The following EFL1 variants were observed in gnomAD, a reference collection of about 807,000 sequenced individuals.
The protein encoded by EFL1 is elongation factor like GTPase 1.
A neutral mutation model predicts 126.7 loss-of-function variants in EFL1; 76 were observed. The ratio of observed to expected loss-of-function variants is 0.60; its 90% CI spans 0.50 to 0.73. The LOEUF is 0.73. Ranked by LOEUF, EFL1 falls within the 30% of genes least tolerant of loss-of-function variation. The pLI is 0.00. For missense variants in EFL1, 1,128 were observed against 1,343.2 expected, an observed-to-expected ratio of 0.84 and a Z score of 2.50; for synonymous variants, 410 against 448.4, an observed-to-expected ratio of 0.91 and a Z score of 1.08.
chr15:82,160,314 G>A (rs116670838), intron 16 of EFL1, among the ~76,000 whole-genome samples: 1,638 of 152,284 alleles, frequency 0.011, 31 homozygotes, highest in African/African-American at 0.038. Context: ...TACCGCCCAA[G>A]GTGATGTATG....
chr15:82,175,401 C>T (rs1293764972), intron 15 of EFL1, among the ~76,000 whole-genome samples: 3 of 152,096 alleles, frequency 2.0e-5, no homozygotes, highest in African/African-American at 4.8e-5. Flanking sequence ...TGAGAAGCAG[C>T]ACAAGAACAG....
At chr15:82,159,425 C>A (rs1310619177) in intron 16 of EFL1, among the ~76,000 whole-genome samples, 1 of 151,330 alleles carries the variant, frequency 6.6e-6, no homozygotes, top group Non-Finnish European at 1.5e-5. Context: ...ACACTTAAAT[C>A]TGTCTCTTCA....
chr15:82,152,203 G>A lies in EFL1; in HGVS notation c.2251C>T (p.Leu751Phe). Residue 751 changes from leucine (L) to phenylalanine (F), a missense_variant, in exon 18 of 20, where the codon CTC becomes TTC. Physicochemically the swap from Leu to Phe is conservative, Grantham distance 22. Coordinates refer to ENST00000268206, the MANE Select transcript of EFL1 (RefSeq NM_024580.6). ...TITTPNKLAT[L>F]SVRAMPLPEE... ...GGAAGGGGCATGGCTCGAACACTGA[G>A]CGTGGCAAGTTTATTGGGAGTTGTT... 6.2e-7 allele frequency: 1 copy of A among 1,614,162 alleles called. No individual in the cohort carries two copies. The highest frequency in any genetic ancestry group is 8.5e-7 in the Non-Finnish European group (1 of 1,180,042).
chr15:82,179,016 C>T (rs564651258), intron 15 of EFL1, among the ~76,000 whole-genome samples: 8 of 152,200 alleles, frequency 5.3e-5, no homozygotes, highest in South Asian at 2.1e-4. Flanking sequence ...TGGTGGCACA[C>T]GCCTGTAGTC....
chr15:82,175,367 T>C (rs2074183712), intron 15 of EFL1, among the ~76,000 whole-genome samples: 1 of 152,228 alleles, frequency 6.6e-6, no homozygotes, highest in Non-Finnish European at 1.5e-5. Context: ...AGTTATCTTT[T>C]CCAGGGCACG....
rs767001143 is a variant in EFL1 at position 82,138,656 on chromosome 15, A to G, written c.3174+2T>C. On this transcript the variant is annotated splice_donor_variant, in intron 19 of 19. Coordinates refer to ENST00000268206, the MANE Select transcript of EFL1 (RefSeq NM_024580.6). LOFTEE classifies it high-confidence loss of function. The stretch of plus-strand genomic sequence containing the variant: ...GGAATGAATGGGAACTTGGATTTTT[A>G]CCTCCCAATGGCTGAATACTAGTTG... 1.9e-6 allele frequency: 3 copies of G among 1,612,366 alleles called. No homozygotes were observed. The highest frequency in any genetic ancestry group is 2.5e-6 in the Non-Finnish European group (3 of 1,179,148).
At chr15:82,211,337 C>A (rs2074582531) in intron 15 of EFL1, among the ~76,000 whole-genome samples, 1 of 151,574 alleles carries the variant, frequency 6.6e-6, no homozygotes, top group African/African-American at 2.4e-5. Context: ...CCAGCCTGGC[C>A]AACCTGGTGA....
Position 82,153,954 on chromosome 15 carries a change from T to C in EFL1, c.2031-1531A>G, listed in dbSNP as rs532730092. ...AAATATGCTCATATACTTAGAACAC[T>C]CAAGAAAACCAACGGCAAAGCTTCT... On this transcript the variant is annotated intron_variant, in intron 17 of 19. Coordinates refer to ENST00000268206, the MANE Select transcript of EFL1 (RefSeq NM_024580.6). 2.6e-5 allele frequency among the ~76,000 whole-genome samples: 4 copies of C among 152,242 alleles called. No homozygotes were observed. The East Asian group carries it at 7.7e-4, about 29-fold the overall frequency.
chr15:82,259,122 C>T lies in EFL1; in HGVS notation c.125G>A (p.Ser42Asn), dbSNP rs1430774833. ...KTTLADCLIS[S>N]NGIISSRLAG... Reference sequence around the variant, plus strand: ...TAGGCGGCTGGAGATGATTCCATTGCTAGATATAAGACAGTCAGCCAGAGT... The same window carrying T: ...TAGGCGGCTGGAGATGATTCCATTGTTAGATATAAGACAGTCAGCCAGAGT... Residue 42 changes from serine to asparagine, a missense_variant, in exon 3 of 20, where the codon AGC (serine) becomes AAC (asparagine). Transcript: ENST00000268206. 6.2e-7 allele frequency: 1 copy of T among 1,613,856 alleles called. No homozygotes were observed. Among genetic ancestry groups the T allele is most frequent in the African/African-American group, 1.3e-5 (1 of 74,904 alleles).
intron 18 of EFL1, among the ~76,000 whole-genome samples, chr15:82,146,984 G>T (rs895880949): frequency 1.3e-5 from 2 of 152,108 alleles, no homozygotes; most frequent in African/African-American, 4.8e-5. Flanking sequence ...GATGACAAAT[G>T]ATATTTTGAG....
At chr15:82,255,859 G>A (rs191650750) in intron 3 of EFL1, among the ~76,000 whole-genome samples, 22 of 152,286 alleles carry the variant, frequency 1.4e-4, no homozygotes, top group African/African-American at 5.1e-4. Flanking sequence ...AGTCTTGCCA[G>A]TGGGTAAGAT....
At chr15:82,168,671 C>T (rs2074102826) in intron 15 of EFL1, among the ~76,000 whole-genome samples, 1 of 152,114 alleles carries the variant, frequency 6.6e-6, no homozygotes, top group South Asian at 2.1e-4. Context: ...TGCCACCACG[C>T]CCGGCTAATT....
intron 3 of EFL1, among the ~76,000 whole-genome samples, chr15:82,253,066 T>A (rs1260485539): frequency 2.0e-5 from 3 of 149,788 alleles, no homozygotes; most frequent in African/African-American, 7.4e-5. Flanking sequence ...TGAGACAGAG[T>A]CTTATTCTGT....
chr15:82,190,862 T>C (rs1265471308), intron 15 of EFL1, among the ~76,000 whole-genome samples: 1 of 152,178 alleles, frequency 6.6e-6, no homozygotes, highest in African/African-American at 2.4e-5. Flanking sequence ...TACGTATGTA[T>C]GCAAATTAAC....
At chr15:82,221,415 C>G (rs2074710967) in intron 12 of EFL1, among the ~76,000 whole-genome samples, 1 of 152,160 alleles carries the variant, frequency 6.6e-6, no homozygotes, top group African/African-American at 2.4e-5. Flanking sequence ...TGGCCTAACT[C>G]CTTCTACCTT....
chr15:82,187,259 G>A lies in EFL1; in HGVS notation c.1751-23275C>T, dbSNP rs191362179. On this transcript the variant is annotated intron_variant, in intron 15 of 19. Coordinates refer to ENST00000268206, the MANE Select transcript of EFL1 (RefSeq NM_024580.6). The stretch of plus-strand genomic sequence containing the variant: ...TTCAGTTTCACTTCTTTCTAATAGC[G>A]AAAACAAATATTGTAAAATAGGCGT... Among the ~76,000 whole-genome samples, 113 of 152,232 alleles carry A rather than the reference G, an allele frequency of 7.4e-4. 1 individual carries two copies. The East Asian group carries it at 0.018, about 24-fold the overall frequency.
intron 18 of EFL1, among the ~76,000 whole-genome samples, chr15:82,142,859 C>CAAAAGGATTTGATGAAATG (rs2073803991): frequency 6.6e-6 from 1 of 152,130 alleles, no homozygotes; most frequent in Non-Finnish European, 1.5e-5. Context: ...TATTCAAATC[C>CAAAAGGATTTGATGAAATG]TTTTCATCAT....
At chr15:82,241,470 C>T in intron 4 of EFL1, 67 bp from the exon 5 acceptor site, 14 of 1,527,808 alleles carry the variant, frequency 9.2e-6, no homozygotes, top group Non-Finnish European at 1.2e-5. Flanking sequence ...CTCAGGCGTT[C>T]TAGAATAAGA....
chr15:82,261,452 T>C (rs1297059948), intron 2 of EFL1, among the ~76,000 whole-genome samples: 2 of 152,228 alleles, frequency 1.3e-5, no homozygotes, highest in African/African-American at 4.8e-5. Flanking sequence ...CAAGTTCTGC[T>C]TTAAAAAACA....
Sources: allele counts gnomAD v4.1 joint callset (sites outside exome capture counted in the v4.1 genomes callset), GRCh38; gene constraint gnomAD v4.1.1; transcripts MANE v1.5; gene names NCBI Gene and HGNC (gene_info 2026-07-23, HGNC 2026-07-21).